Variants in CCDC178 observed in about 807,000 individuals in gnomAD.
The protein encoded by CCDC178 is coiled-coil domain containing 178.
A neutral mutation model predicts 117.4 loss-of-function variants in CCDC178; 126 were observed. The observed-to-expected ratio is 1.07, with a 90% confidence interval of 0.93 to 1.24. The LOEUF (loss-of-function observed/expected upper bound fraction) is 1.24. Ranked by LOEUF, CCDC178 falls within the 50% of genes most tolerant of loss-of-function variation. CCDC178 has a pLI of 0.00. For missense variants in CCDC178, 1,030 were observed against 986.9 expected, an observed-to-expected ratio of 1.04 and a Z score of -0.59; for synonymous variants, 283 against 313.4, an observed-to-expected ratio of 0.90 and a Z score of 1.02.
At chr18:33,092,179 G>T (rs1461715889) in intron 21 of CCDC178, among the ~76,000 whole-genome samples, 1 of 152,120 alleles carries the variant, frequency 6.6e-6, no homozygotes, top group Non-Finnish European at 1.5e-5. Context: ...TATAAAGGAA[G>T]TGGCTGTATT....
intron 11 of CCDC178, among the ~76,000 whole-genome samples, chr18:33,308,342 C>A (rs534597437): frequency 1.3e-5 from 2 of 152,322 alleles, no homozygotes; most frequent in South Asian, 4.1e-4. Flanking sequence ...TGCATGGGGC[C>A]TGTAGCCCCC....
chr18:33,373,752 T>C (rs988981273), intron 5 of CCDC178, among the ~76,000 whole-genome samples: 3 of 152,202 alleles, frequency 2.0e-5, no homozygotes, highest in South Asian at 4.1e-4. Flanking sequence ...TAAATAATTA[T>C]TGAATAAATG....
chr18:33,091,147 CA>C (rs1488202058), intron 21 of CCDC178, among the ~76,000 whole-genome samples: 2 of 151,906 alleles, frequency 1.3e-5, no homozygotes. Flanking sequence ...CAATTATGAA[CA>C]ACAAATAGAA....
chr18:33,268,821 C>A (rs898068253), intron 12 of CCDC178, among the ~76,000 whole-genome samples: 3 of 151,694 alleles, frequency 2.0e-5, no homozygotes, highest in African/African-American at 7.3e-5. Flanking sequence ...AAAAAAATGT[C>A]AAATCAGCCT....
At chr18:33,064,964 T>C (rs1389921643) in intron 21 of CCDC178, among the ~76,000 whole-genome samples, 1 of 149,396 alleles carries the variant, frequency 6.7e-6, no homozygotes, top group African/African-American at 2.5e-5. Flanking sequence ...GGACATCACA[T>C]CAAGTGAATA....
In CCDC178 at chr18:33,245,431, G is replaced by A; in HGVS notation, c.1410-3C>T. On this transcript the variant is annotated splice_region_variant and splice_polypyrimidine_tract_variant and intron_variant, in intron 14 of 22. Transcript: ENST00000383096. The stretch of plus-strand genomic sequence containing the variant: ...CGTATTTTGATTTTTTCCGTATGCT[G>A]TAAAAGTAAAGCAAAAATTAATATT... 3.3e-6 allele frequency: 5 copies of A among 1,516,480 alleles called. No homozygotes were observed. Among genetic ancestry groups the A allele is most frequent in the Non-Finnish European group, 4.4e-6 (5 of 1,132,154 alleles). The allele number at this position is 1,516,480 out of a possible 1,614,324, so 93.9% of individuals were successfully genotyped here. A position where few individuals can be genotyped will look rare whatever the true frequency, so the allele number is the denominator to read the frequency against.
intron 21 of CCDC178, among the ~76,000 whole-genome samples, chr18:33,054,552 G>A (rs1462537436): frequency 6.6e-6 from 1 of 152,176 alleles, no homozygotes. Flanking sequence ...TTAGTTTGAT[G>A]AGGATAATGG....
chr18:33,285,589 A>T (rs1224686908), intron 12 of CCDC178, among the ~76,000 whole-genome samples: 1 of 152,190 alleles, frequency 6.6e-6, no homozygotes, highest in African/African-American at 2.4e-5. Flanking sequence ...ATCCTTGCAA[A>T]TCAAACTCAG....
chr18:33,310,491 CA>C (rs1229851893), intron 11 of CCDC178, among the ~76,000 whole-genome samples: 1 of 151,948 alleles, frequency 6.6e-6, no homozygotes, highest in East Asian at 1.9e-4. Flanking sequence ...AGTTTGAGAT[CA>C]ACCTGGGAAG....
chr18:33,089,381 T>A (rs1166332023), intron 21 of CCDC178, among the ~76,000 whole-genome samples: 2 of 152,148 alleles, frequency 1.3e-5, no homozygotes, highest in Non-Finnish European at 2.9e-5. Context: ...ATGTTAGTTC[T>A]ATATCTTACA....
intron 6 of CCDC178, among the ~76,000 whole-genome samples, chr18:33,366,668 T>G (rs1180179230): frequency 6.6e-6 from 1 of 152,020 alleles, no homozygotes; most frequent in East Asian, 1.9e-4. Context: ...GTATAACCAT[T>G]ATGATAATCA....
intron 21 of CCDC178, among the ~76,000 whole-genome samples, chr18:32,996,710 G>A (rs1423284270): frequency 6.6e-6 from 1 of 151,914 alleles, no homozygotes; most frequent in Non-Finnish European, 1.5e-5. Flanking sequence ...GTATAGGCAA[G>A]TATTTTCTAA....
intron 3 of CCDC178, among the ~76,000 whole-genome samples, chr18:33,407,439 A>T (rs1163746187): frequency 6.6e-6 from 1 of 152,140 alleles, no homozygotes; most frequent in Non-Finnish European, 1.5e-5. Context: ...AATATCCCAA[A>T]TTCATAAAAT....
At chr18:33,377,861 T>TAAAG (rs1369184839) in intron 5 of CCDC178, among the ~76,000 whole-genome samples, 1 of 152,214 alleles carries the variant, frequency 6.6e-6, no homozygotes, top group Non-Finnish European at 1.5e-5. Flanking sequence ...CCATGTAGTA[T>TAAAG]AAAGACAGGT....
intron 3 of CCDC178, among the ~76,000 whole-genome samples, chr18:33,401,633 AAATT>A (rs2063710905): frequency 2.6e-5 from 4 of 152,086 alleles, no homozygotes. Context: ...AAAATTATAA[AAATT>A]AACATGATAT....
At chr18:32,943,893 A>C (rs1442582720) in intron 22 of CCDC178, among the ~76,000 whole-genome samples, 4 of 152,242 alleles carry the variant, frequency 2.6e-5, no homozygotes, top group African/African-American at 9.6e-5. Flanking sequence ...GCAGAAAAAG[A>C]ATTTAGTTAA....
chr18:33,103,933 C>T (rs549106783), intron 20 of CCDC178, among the ~76,000 whole-genome samples: 3 of 151,820 alleles, frequency 2.0e-5, no homozygotes, highest in African/African-American at 7.2e-5. Context: ...ATGGACTAGA[C>T]AAATATTATA....
intron 21 of CCDC178, among the ~76,000 whole-genome samples, chr18:33,085,506 T>G (rs910031335): frequency 6.6e-6 from 1 of 152,056 alleles, no homozygotes; most frequent in Non-Finnish European, 1.5e-5. Context: ...GAGCTTGCAG[T>G]GAGCCGAGAT....
At chr18:33,207,691 G>A (rs1007476125) in intron 20 of CCDC178, among the ~76,000 whole-genome samples, 3 of 151,694 alleles carry the variant, frequency 2.0e-5, no homozygotes, top group African/African-American at 7.3e-5. Context: ...AGCTAAAAAT[G>A]GTAGTTGATT....
Sources: gnomAD v4.1 joint callset for allele counts (sites outside exome capture counted in the v4.1 genomes callset) on GRCh38, gnomAD v4.1.1 for gene constraint, MANE v1.5 for transcripts, NCBI Gene and HGNC (gene_info 2026-07-23, HGNC 2026-07-21) for gene names.